The following GRM8 variants were observed in gnomAD, a reference collection of about 807,000 sequenced individuals.
The protein encoded by GRM8 is glutamate metabotropic receptor 8.
GRM8 carries 47 observed loss-of-function variants against 87.2 expected under a neutral mutation model. That is an observed-to-expected ratio of 0.54 (90% CI 0.43 to 0.69). The LOEUF (loss-of-function observed/expected upper bound fraction) is 0.69, where lower values mean the gene tolerates loss of function less well. Among genes scored for constraint, GRM8 ranks in the 30% least tolerant of loss-of-function variants. The pLI is 0.00. For synonymous variants in GRM8, 396 were observed against 404.5 expected (o/e 0.98, Z 0.25); for missense variants, 1,019 against 1,139.2 (o/e 0.89, Z 1.52).
At chr7:127,197,717 AAC>A (rs1312654794) in intron 2 of GRM8, among the ~76,000 whole-genome samples, 3 of 152,206 alleles carry the variant, frequency 2.0e-5, no homozygotes, top group African/African-American at 7.2e-5. Flanking sequence ...AGAACAAAGT[AAC>A]AAACACTGAA....
chr7:126,983,964 C>T (rs1811792671), intron 3 of GRM8, among the ~76,000 whole-genome samples: 1 of 152,180 alleles, frequency 6.6e-6, no homozygotes, highest in Non-Finnish European at 1.5e-5. Flanking sequence ...GTATTTCCTC[C>T]TCCTTTTGCT....
chr7:126,468,563 T>C (rs1443776442), intron 9 of GRM8, among the ~76,000 whole-genome samples: 1 of 152,028 alleles, frequency 6.6e-6, no homozygotes, highest in Non-Finnish European at 1.5e-5. Flanking sequence ...ATATAAGCCC[T>C]CTCATATTCA....
At chr7:127,021,868 G>T (rs1816308687) in intron 3 of GRM8, among the ~76,000 whole-genome samples, 2 of 152,072 alleles carry the variant, frequency 1.3e-5, no homozygotes, top group Non-Finnish European at 2.9e-5. Flanking sequence ...ACAATGAAAA[G>T]ATATGTGCAA....
At chr7:127,116,692 C>T (rs1482571012) in intron 2 of GRM8, among the ~76,000 whole-genome samples, 4 of 152,178 alleles carry the variant, frequency 2.6e-5, no homozygotes, top group Non-Finnish European at 4.4e-5. Context: ...TGAACACCAG[C>T]CACAGATTGC....
At chr7:126,868,776 G>A (rs551687866) in intron 6 of GRM8, 2 of 152,338 alleles carry the variant, frequency 1.3e-5, no homozygotes, top group Admixed American at 1.3e-4. Flanking sequence ...TTCAGCATGA[G>A]CTTCAGCAAG....
At chr7:126,684,936 C>T (rs1018899737) in intron 7 of GRM8, among the ~76,000 whole-genome samples, 6 of 152,152 alleles carry the variant, frequency 3.9e-5, no homozygotes, top group East Asian at 1.9e-4. Flanking sequence ...CTGATGGCAG[C>T]GGTGGGCCAT....
intron 6 of GRM8, among the ~76,000 whole-genome samples, chr7:126,901,326 C>G (rs1182621379): frequency 6.6e-6 from 1 of 152,154 alleles, no homozygotes; most frequent in Non-Finnish European, 1.5e-5. Flanking sequence ...TCCTAATACC[C>G]AGGTTAGTCT....
intron 7 of GRM8, among the ~76,000 whole-genome samples, chr7:126,768,930 A>AAAAAAAAAAAC (rs1158850518): frequency 1.2e-4 from 18 of 146,628 alleles, no homozygotes; most frequent in African/African-American, 4.3e-4. Flanking sequence ...AAAAATGCAA[A>AAAAAAAAAAAC]AAAAAAAAAA....
intron 8 of GRM8, among the ~76,000 whole-genome samples, chr7:126,549,974 T>C (rs913691731): frequency 6.6e-6 from 1 of 152,086 alleles, no homozygotes; most frequent in African/African-American, 2.4e-5. Context: ...ATAATCTAGA[T>C]CCAAGCACCC....
At chr7:127,112,276 C>T (rs2133132553) in intron 2 of GRM8, 1 of 152,454 alleles carries the variant, frequency 6.6e-6, no homozygotes, top group Non-Finnish European at 1.5e-5. Flanking sequence ...ATCCTTCAGC[C>T]TCAGCTCAAC....
intron 8 of GRM8, among the ~76,000 whole-genome samples, chr7:126,540,850 G>A (rs1305093418): frequency 6.6e-6 from 1 of 152,176 alleles, no homozygotes; most frequent in Non-Finnish European, 1.5e-5. Flanking sequence ...TGATGGATGT[G>A]CAACACTGTG....
chr7:126,444,650 G>C (rs530984835), intron 10 of GRM8, among the ~76,000 whole-genome samples: 25 of 152,206 alleles, frequency 1.6e-4, no homozygotes, highest in African/African-American at 6.0e-4. Context: ...TGGTAAATTA[G>C]AGTAGACAAT....
chr7:126,804,677 A>C (rs1792474490), intron 6 of GRM8, among the ~76,000 whole-genome samples: 1 of 152,248 alleles, frequency 6.6e-6, no homozygotes, highest in Non-Finnish European at 1.5e-5. Context: ...AGCTGAAAAC[A>C]TTACAGCCTG....
intron 2 of GRM8, among the ~76,000 whole-genome samples, chr7:127,209,407 A>T (rs1183066219): frequency 2.0e-5 from 3 of 152,200 alleles, no homozygotes; most frequent in Non-Finnish European, 2.9e-5. Context: ...AGGAACATGA[A>T]AGTGACAGAA....
In GRM8 at chr7:127,159,338, G is replaced by A. The variant is rs142379319; in HGVS notation, c.511-52626C>T. Among the ~76,000 whole-genome samples, 59 of 152,286 alleles carry A rather than the reference G, an allele frequency of 3.9e-4. No individual in the cohort carries two copies. The Middle Eastern group carries it at 0.017, about 44-fold the overall frequency. ...AATTAATAGAAAGGAAACACTGAGC[G>A]TATGTTGAGTTTAGCCACCAGCATC... On this transcript the variant is annotated intron_variant, in intron 2 of 10. Coordinates refer to ENST00000339582, the MANE Select transcript of GRM8 (RefSeq NM_000845.3).
chr7:126,883,893 T>C (rs1005568226), intron 6 of GRM8, among the ~76,000 whole-genome samples: 5 of 152,102 alleles, frequency 3.3e-5, no homozygotes, highest in African/African-American at 1.2e-4. Context: ...AATGGAAAAA[T>C]AGACATTTTT....
chr7:126,439,825 A>AGTGTGTGTGTGTGTGTGTGTGT lies in GRM8; in HGVS notation c.2678-679_2678-658dup, dbSNP rs57638512. Among the ~76,000 whole-genome samples, 718 of 142,642 alleles carry AGTGTGTGTGTGTGTGTGTGTGT rather than the reference A, an allele frequency of 5.0e-3. 7 individuals are homozygous for AGTGTGTGTGTGTGTGTGTGTGT. The highest frequency in any genetic ancestry group is 0.028 in the East Asian group (131 of 4,618). The allele number at this position is 142,642 out of a possible 152,430, so 93.6% of individuals were successfully genotyped here. A position where few individuals can be genotyped will look rare whatever the true frequency, so the allele number is the denominator to read the frequency against. ...TCCTGACCCTGTGGAGGCCTAGGCT[A>AGTGTGTGTGTGTGTGTGTGTGT]GTGTGTGTGTGTGTGTGTGTGTGTG... On this transcript the variant is annotated intron_variant, in intron 10 of 10. Transcript: ENST00000339582.
intron 3 of GRM8, among the ~76,000 whole-genome samples, chr7:126,960,704 T>C (rs1003524973): frequency 4.6e-5 from 7 of 152,176 alleles, no homozygotes. Context: ...CCCAGATACA[T>C]GTAAAAAAGA....
At chr7:126,563,712 T>G (rs1222024538) in intron 8 of GRM8, among the ~76,000 whole-genome samples, 2 of 152,192 alleles carry the variant, frequency 1.3e-5, no homozygotes, top group African/African-American at 4.8e-5. Context: ...CTGAACCACT[T>G]GTGGAGACTG....
Sources: gnomAD v4.1 joint callset for allele counts (sites outside exome capture counted in the v4.1 genomes callset) on GRCh38, gnomAD v4.1.1 for gene constraint, MANE v1.5 for transcripts, NCBI Gene and HGNC (gene_info 2026-07-23, HGNC 2026-07-21) for gene names.